Variants in KATNIP observed in about 807,000 individuals in gnomAD.
The protein encoded by KATNIP is katanin interacting protein.
In KATNIP, 126 loss-of-function variants were observed where a neutral mutation model predicts 174.0. The observed-to-expected ratio is 0.72, with a 90% CI of 0.63 to 0.84. The LOEUF (loss-of-function observed/expected upper bound fraction) is 0.84. Among genes scored for constraint, KATNIP ranks in the 40% least tolerant of loss-of-function variants. The pLI is 0.00. For synonymous variants in KATNIP, 810 were observed against 835.7 expected, an observed-to-expected ratio of 0.97 and a Z score of 0.53; for missense variants, 1,958 against 2,109.7, an observed-to-expected ratio of 0.93 and a Z score of 1.41.
At chr16:27,616,578 T>C (rs1441070663) in intron 2 of KATNIP, among the ~76,000 whole-genome samples, 4 of 147,766 alleles carry the variant, frequency 2.7e-5, no homozygotes, top group Non-Finnish European at 6.0e-5. Context: ...AATACAAAAA[T>C]TAGCTGGGCA....
intron 2 of KATNIP, among the ~76,000 whole-genome samples, chr16:27,588,389 A>G (rs1354802725): frequency 1.3e-5 from 2 of 152,198 alleles, no homozygotes; most frequent in Admixed American, 1.3e-4. Flanking sequence ...CATCAAATGT[A>G]GAATAATCTA....
intron 1 of KATNIP, 22 bp from the exon 2 acceptor site, chr16:27,573,879 T>G (rs762224301): frequency 6.2e-7 from 1 of 1,613,772 alleles, no homozygotes; most frequent in Non-Finnish European, 8.5e-7. Context: ...TTAATCTTGG[T>G]TCTGCTTTTG....
chr16:27,623,290 G>A lies in KATNIP; in HGVS notation c.140+4789G>A, dbSNP rs112492567. On this transcript the variant is annotated intron_variant, in intron 3 of 27. Transcript: ENST00000261588. ...AGGTTGGAGGTTTCCTTGGCTCTCTGGCCTTGGGCAAGTTCATTTCTAAAA... is the reference window on the plus strand; with the variant it reads ...AGGTTGGAGGTTTCCTTGGCTCTCTAGCCTTGGGCAAGTTCATTTCTAAAA... Among the ~76,000 whole-genome samples, 1,323 of 152,234 alleles carry A rather than the reference G, an allele frequency of 8.7e-3. 18 individuals carry two copies. The highest frequency in any genetic ancestry group is 0.03 in the African/African-American group (1,266 of 41,528).
chr16:27,617,984 C>T lies in KATNIP; in HGVS notation c.64-441C>T, dbSNP rs1195778688. 2.0e-5 allele frequency among the ~76,000 whole-genome samples: 3 copies of T among 152,288 alleles called. No individual in the cohort carries two copies. The East Asian group carries it at 5.8e-4, about 29-fold the overall frequency. On this transcript the variant is annotated intron_variant, in intron 2 of 27. Transcript: ENST00000261588. ...AACTCCTGGGCTCAAGCAATCCTCT[C>T]GCCTCAGCCTCCCAAAGTGCTAGTT... is the stretch of plus-strand genomic sequence containing the variant.
At chr16:27,674,996 T>C (rs1327726066) in intron 6 of KATNIP, among the ~76,000 whole-genome samples, 5 of 152,352 alleles carry the variant, frequency 3.3e-5, no homozygotes, top group East Asian at 1.9e-4. Context: ...CATCTGTAGA[T>C]GAGTGAAACT....
intron 4 of KATNIP, among the ~76,000 whole-genome samples, chr16:27,629,683 C>G (rs1296733436): frequency 1.3e-5 from 2 of 152,184 alleles, no homozygotes; most frequent in Non-Finnish European, 2.9e-5. Flanking sequence ...CATGGGGAAG[C>G]CACTTAGTCT....
At chr16:27,762,826 C>G (rs990426178) in intron 19 of KATNIP, among the ~76,000 whole-genome samples, 8 of 152,212 alleles carry the variant, frequency 5.3e-5, no homozygotes, top group African/African-American at 1.4e-4. Flanking sequence ...AGCCTGGAGA[C>G]CTGGCTCCCA....
At chr16:27,676,272 T>C (rs891735867) in intron 6 of KATNIP, among the ~76,000 whole-genome samples, 1 of 152,230 alleles carries the variant, frequency 6.6e-6, no homozygotes, top group Non-Finnish European at 1.5e-5. Context: ...ACAATTCAGC[T>C]AAGATTCTAC....
rs34902124 is a variant in KATNIP, at chr16:27,644,019, CTT to C, written c.409-4565_409-4564del. On this transcript the variant is annotated intron_variant, in intron 5 of 27. Coordinates refer to ENST00000261588, the MANE Select transcript of KATNIP (RefSeq NM_015202.5). Reference sequence around the variant, plus strand: ...CTAGTCCATCTTCCAGAGACATAATCTTTTTTTTTTTTTTTTTTTTTAAGCAG... The same window carrying C: ...CTAGTCCATCTTCCAGAGACATAATCTTTTTTTTTTTTTTTTTTTAAGCAG... 2.2e-3 allele frequency among the ~76,000 whole-genome samples: 223 copies of C among 102,458 alleles called. 1 individual carries two copies. Among genetic ancestry groups the C allele is most frequent in the South Asian group, 5.0e-3 (14 of 2,780 alleles). 67.2% of individuals were successfully genotyped at this position (102,458 alleles called of 152,430 possible). A position where few individuals can be genotyped will look rare whatever the true frequency, so the allele number is the denominator to read the frequency against.
At chr16:27,679,627 C>T (rs2078254131) in intron 7 of KATNIP, among the ~76,000 whole-genome samples, 1 of 151,686 alleles carries the variant, frequency 6.6e-6, no homozygotes, top group Non-Finnish European at 1.5e-5. Context: ...TAGTGCATAC[C>T]TTTAGTCCTA....
chr16:27,761,261 G>A (rs1473305916), intron 18 of KATNIP, 152 bp from the exon 19 acceptor site: 3 of 734,068 alleles, frequency 4.1e-6, no homozygotes, highest in Non-Finnish European at 6.5e-6. Context: ...GCCACCTAGA[G>A]GAAAGCCACA....
intron 10 of KATNIP, 96 bp downstream of exon 10, chr16:27,699,695 G>T (rs1190823900): frequency 6.5e-7 from 1 of 1,542,854 alleles, no homozygotes; most frequent in African/African-American, 1.4e-5. Context: ...CTATGCATGT[G>T]CATAGCACCT....
intron 2 of KATNIP, among the ~76,000 whole-genome samples, chr16:27,587,530 C>G (rs1381496984): frequency 6.6e-6 from 1 of 152,226 alleles, no homozygotes; most frequent in Non-Finnish European, 1.5e-5. Flanking sequence ...TGCTCCTTAA[C>G]ATACAATGGG....
Position 27,750,269 on chromosome 16 carries a change from A to G in KATNIP, c.3309A>G (p.Glu1103=). 4 of 1,613,814 alleles carry G rather than the reference A, an allele frequency of 2.5e-6. No individual in the cohort carries two copies. Among genetic ancestry groups the G allele is most frequent in the Non-Finnish European group, 3.4e-6 (4 of 1,179,782 alleles). The change falls in exon 16 of 28, where the codon GAA becomes GAG. Residue 1103 remains glutamate (E), a synonymous_variant. Coordinates refer to ENST00000261588, the MANE Select transcript of KATNIP (RefSeq NM_015202.5). ...TGTTAGACACCCAGTGCATCTTTGA[A>G]GGAGAAATCGCCAAGGCCTCTGGAA... is the stretch of plus-strand genomic sequence containing the variant. The part of the protein sequence containing the change: ...TMLLDTQCIF[E]GEIAKASGTL...
chr16:27,708,358 G>A (rs188597128), intron 12 of KATNIP: 74 of 217,224 alleles, frequency 3.4e-4, no homozygotes, highest in African/African-American at 5.3e-4. Flanking sequence ...AGCAGATGTC[G>A]TGACAAGCTT....
chr16:27,698,293 A>G (rs1371225102), intron 8 of KATNIP, 35 bp from the exon 9 acceptor site: 1 of 1,579,424 alleles, frequency 6.3e-7, no homozygotes, highest in East Asian at 2.3e-5. Flanking sequence ...CGAGAATATA[A>G]TCTAAAAGAA....
Position 27,701,659 on chromosome 16 carries a change from A to G in KATNIP, c.1250A>G (p.Asn417Ser), listed in dbSNP as rs370739849. The G allele has an allele frequency of 5.0e-6, 8 of 1,607,650 alleles. No individual in the cohort carries two copies. Among genetic ancestry groups the G allele is most frequent in the African/African-American group, 4.0e-5 (3 of 74,866 alleles). ...GCAGCAGGAGGAGCCAGGGCCATCA[A>G]CCAGGCCATGGACAGAATTGGGCTT... is the stretch of plus-strand genomic sequence containing the variant. ...AGAAGGARAI[N>S]QAMDRIGLLG... The change falls in exon 11 of 28, where the codon AAC becomes AGC. Residue 417 changes from asparagine to serine, a missense_variant. By Grantham distance (46) the Asn-to-Ser change is conservative. Around this residue, in one of 3 missense-constraint regions of KATNIP, gnomAD observed 1,557 missense variants for 1,617.8 expected, o/e 0.96. Coordinates refer to ENST00000261588, the MANE Select transcript of KATNIP (RefSeq NM_015202.5).
Position 27,775,011 on chromosome 16 carries a change from A to G in KATNIP, c.4376A>G (p.Asp1459Gly), listed in dbSNP as rs2082444310. Residue 1459 changes from aspartate to glycine, a missense_variant, in exon 24 of 28, where the codon GAC becomes GGC. Asp to Gly is a moderately conservative substitution (Grantham distance 94, BLOSUM62 -1). This residue lies in a region of KATNIP where 383 missense variants were observed against 456.0 expected (regional missense o/e 0.84). Coordinates refer to ENST00000261588, the MANE Select transcript of KATNIP (RefSeq NM_015202.5). ...GTGGGCGGGGACGTCCGCACCCCAGACAAGCTCATCGACCAAGTGAACGAC... is the reference window on the plus strand; with the variant it reads ...GTGGGCGGGGACGTCCGCACCCCAGGCAAGCTCATCGACCAAGTGAACGAC... ...EGVGGDVRTP[D>G]KLIDQVNDTS... 1 of 1,613,610 alleles carries G rather than the reference A, an allele frequency of 6.2e-7. No homozygotes were observed. Among genetic ancestry groups the G allele is most frequent in the African/African-American group, 1.3e-5 (1 of 74,916 alleles).
chr16:27,668,616 C>T (rs756503757), intron 6 of KATNIP, among the ~76,000 whole-genome samples: 8 of 152,360 alleles, frequency 5.3e-5, no homozygotes, highest in Admixed American at 4.6e-4. Flanking sequence ...TACCCTGGGT[C>T]TGCCATTACT....
Sources: gnomAD v4.1 joint callset for allele counts (sites outside exome capture counted in the v4.1 genomes callset) on GRCh38, gnomAD v4.1.1 for gene constraint, gnomAD v4.1.1 regional missense constraint, MANE v1.5 for transcripts, NCBI Gene and HGNC (gene_info 2026-07-23, HGNC 2026-07-21) for gene names.